Variants in ATP8A2 observed in about 807,000 individuals in gnomAD.
ATP8A2 encodes phospholipid-transporting ATPase IB.
In ATP8A2, 100 loss-of-function variants were observed where a neutral mutation model predicts 165.6. The ratio of observed to expected loss-of-function variants is 0.60; its 90% CI spans 0.51 to 0.71. The LOEUF (loss-of-function observed/expected upper bound fraction) is 0.71. ATP8A2 is among the 30% of genes least tolerant of loss of function. The pLI is 0.00. For synonymous variants in ATP8A2, 543 were observed against 548.8 expected, an observed-to-expected ratio of 0.99 and a Z score of 0.15; for missense variants, 1,227 against 1,479.5, an observed-to-expected ratio of 0.83 and a Z score of 2.80.
chr13:25,972,400 T>A (rs1368645122), intron 35 of ATP8A2, among the ~76,000 whole-genome samples: 4 of 152,192 alleles, frequency 2.6e-5, no homozygotes, highest in Non-Finnish European at 5.9e-5. Context: ...AAGGGTGAGA[T>A]CAGGGAATTA....
At chr13:25,604,957 A>T (rs2040478779) in intron 24 of ATP8A2, among the ~76,000 whole-genome samples, 1 of 152,212 alleles carries the variant, frequency 6.6e-6, no homozygotes. Context: ...GGAGCCTGAC[A>T]ACTCTTGACT....
intron 25 of ATP8A2, among the ~76,000 whole-genome samples, chr13:25,734,281 G>T (rs892830162): frequency 6.6e-6 from 1 of 152,192 alleles, no homozygotes; most frequent in Admixed American, 6.5e-5. Context: ...AAGGCTCTGT[G>T]TCCAGCTGGG....
chr13:25,552,167 A>G (rs1342366634), intron 11 of ATP8A2, among the ~76,000 whole-genome samples: 8 of 152,052 alleles, frequency 5.3e-5, no homozygotes. Context: ...TTGTATATTT[A>G]GTAGAGACGG....
chr13:25,597,407 A>C (rs2040264737), intron 24 of ATP8A2, among the ~76,000 whole-genome samples: 2 of 152,252 alleles, frequency 1.3e-5, no homozygotes, highest in African/African-American at 2.4e-5. Flanking sequence ...ATAAGAGTCC[A>C]TCTTAGCAGA....
intron 33 of ATP8A2, among the ~76,000 whole-genome samples, chr13:25,937,362 C>CTTTTTTT (rs1555293658): frequency 6.4e-4 from 25 of 38,802 alleles, no homozygotes; most frequent in African/African-American, 1.7e-3. Flanking sequence ...TTCTTTCTTT[C>CTTTTTTT]TTTTTTTTTT....
intron 27 of ATP8A2, among the ~76,000 whole-genome samples, chr13:25,814,105 A>ACACACACG (rs1950948799): frequency 1.3e-5 from 2 of 151,500 alleles, no homozygotes; most frequent in Admixed American, 1.3e-4. Context: ...ACAGACACAC[A>ACACACACG]CACACACACA....
At chr13:25,538,117 T>C (rs1230509989) in intron 7 of ATP8A2, 56 bp downstream of exon 7, 2 of 1,380,836 alleles carry the variant, frequency 1.4e-6, no homozygotes, top group East Asian at 2.3e-5. Context: ...CAATAAAATA[T>C]TAAGCAGCAC....
chr13:25,789,600 A>C (rs2045115900), intron 27 of ATP8A2, among the ~76,000 whole-genome samples: 1 of 152,242 alleles, frequency 6.6e-6, no homozygotes, highest in Non-Finnish European at 1.5e-5. Context: ...AAACAAATGG[A>C]AAAACATTCC....
At chr13:25,675,298 A>G in intron 24 of ATP8A2, among the ~76,000 whole-genome samples, 1 of 152,216 alleles carries the variant, frequency 6.6e-6, no homozygotes, top group East Asian at 1.9e-4. Flanking sequence ...GCCACTGCTC[A>G]GCAGTTGTCA....
chr13:25,745,350 G>A (rs2044008047), intron 25 of ATP8A2, among the ~76,000 whole-genome samples: 1 of 152,212 alleles, frequency 6.6e-6, no homozygotes, highest in Non-Finnish European at 1.5e-5. Context: ...CAAGCCCCAT[G>A]CGTTATGCCG....
At chr13:25,783,280 C>T (rs1004119534) in intron 27 of ATP8A2, among the ~76,000 whole-genome samples, 1 of 152,190 alleles carries the variant, frequency 6.6e-6, no homozygotes, top group African/African-American at 2.4e-5. Flanking sequence ...CTATCTTGTG[C>T]TGACAATTGT....
At chr13:25,620,269 G>A (rs1445733525) in intron 24 of ATP8A2, among the ~76,000 whole-genome samples, 2 of 152,122 alleles carry the variant, frequency 1.3e-5, no homozygotes, top group Non-Finnish European at 2.9e-5. Context: ...AGAGAGAGAG[G>A]TGACCTCTCA....
At chr13:26,000,141 A>G (rs1305619233) in intron 35 of ATP8A2, among the ~76,000 whole-genome samples, 1 of 152,222 alleles carries the variant, frequency 6.6e-6, no homozygotes. Context: ...GGATTGGTAG[A>G]TGTTTGGCCT....
chr13:25,837,921 A>G (rs1221160004), intron 29 of ATP8A2, among the ~76,000 whole-genome samples: 2 of 152,228 alleles, frequency 1.3e-5, no homozygotes, highest in Admixed American at 1.3e-4. Flanking sequence ...GTGCAGTCTC[A>G]GACAGCAGAG....
chr13:25,657,004 G>A (rs2137665334), intron 24 of ATP8A2, among the ~76,000 whole-genome samples: 1 of 117,756 alleles, frequency 8.5e-6, no homozygotes, highest in South Asian at 3.0e-4. Flanking sequence ...TGTGAGCCAA[G>A]ATTGCACCAC....
chr13:25,465,664 T>G, intron 1 of ATP8A2, among the ~76,000 whole-genome samples: 1 of 3,096 alleles, frequency 3.2e-4, no homozygotes, highest in African/African-American at 6.8e-4. Context: ...CTTGCAGAGT[T>G]TTCTTTCTTT....
At chr13:25,809,956 G>A (rs1328461259) in intron 27 of ATP8A2, among the ~76,000 whole-genome samples, 1 of 152,188 alleles carries the variant, frequency 6.6e-6, no homozygotes, top group African/African-American at 2.4e-5. Flanking sequence ...TGTTGCCCCA[G>A]AGAGGACCAT....
At chr13:25,731,242 G>GGA (rs1555256696) in intron 25 of ATP8A2, among the ~76,000 whole-genome samples, 2 of 140,266 alleles carry the variant, frequency 1.4e-5, no homozygotes, top group Non-Finnish European at 3.0e-5. Flanking sequence ...AAGAGAGAGA[G>GGA]AGGAAGGAAG....
At chr13:26,017,900 A>G (rs1487080685) in intron 36 of ATP8A2, among the ~76,000 whole-genome samples, 2 of 152,194 alleles carry the variant, frequency 1.3e-5, no homozygotes, top group Non-Finnish European at 2.9e-5. Context: ...CACTGTGGCT[A>G]CCATGTGGTG....
Sources: gnomAD v4.1 joint callset for allele counts (sites outside exome capture counted in the v4.1 genomes callset) on GRCh38, gnomAD v4.1.1 for gene constraint, MANE v1.5 for transcripts, NCBI Gene and HGNC (gene_info 2026-07-23, HGNC 2026-07-21) for gene names.